FAM83E: variants seen among roughly 807,000 people sequenced by gnomAD.
FAM83E encodes the protein scaffolding CK1 anchoring protein E, also known as protein FAM83E.
In FAM83E, 29 loss-of-function variants were observed where a neutral mutation model predicts 34.3. The observed-to-expected ratio is 0.85, with a 90% CI of 0.63 to 1.15. The LOEUF (loss-of-function observed/expected upper bound fraction) is 1.15. Ranked by LOEUF, FAM83E falls within the 50% of genes most tolerant of loss-of-function variation. The pLI is 0.00. For missense variants in FAM83E, 697 were observed against 685.0 expected, an observed-to-expected ratio of 1.02 and a Z score of -0.20; for synonymous variants, 312 against 311.6, an observed-to-expected ratio of 1.00 and a Z score of -0.01.
intron 5 of FAM83E, among the ~76,000 whole-genome samples, chr19:48,605,676 A>T (rs1973914385): frequency 6.6e-6 from 1 of 150,858 alleles, no homozygotes; most frequent in Non-Finnish European, 1.5e-5. Context: ...CAAGCCTCCC[A>T]AGTAGCTGGG....
In FAM83E at chr19:48,603,703, C is replaced by G; in HGVS notation, c.967G>C (p.Ala323Pro). The change falls in exon 6 of 7, where the codon GCG becomes CCG. Residue 323 changes from alanine (A) to proline (P), a missense_variant. Coordinates refer to ENST00000263266, the MANE Select transcript of FAM83E (RefSeq NM_017708.4). ...GGGCCGTCAGGCGGCGGAGGCGACG[C>G]GGGGGCCACGGAGCGGCGGCGGGAC... ...RVSRRRSVAP[A>P]SPPPPDGPLA... 1 of 1,377,068 alleles carries G rather than the reference C, an allele frequency of 7.3e-7. No individual in the cohort carries two copies. Among genetic ancestry groups the G allele is most frequent in the Non-Finnish European group, 9.4e-7 (1 of 1,064,208 alleles). 85.3% of individuals were successfully genotyped at this position (1,377,068 alleles called of 1,614,324 possible).
intron 5 of FAM83E, chr19:48,607,559 G>C: frequency 1.5e-6 from 1 of 652,636 alleles, no homozygotes; most frequent in South Asian, 2.1e-5. Context: ...CACGGCCCGT[G>C]GGTTTGATTG....
Position 48,603,803 on chromosome 19 carries a change from G to A in FAM83E, c.867C>T (p.Cys289=), listed in dbSNP as rs75363654. ...TCTGGGGGGGCGCAGGTGGGAGCGGGCAGGAGGCCGCGTACAGCGTCCGGA... is the reference window on the plus strand; with the variant it reads ...TCTGGGGGGGCGCAGGTGGGAGCGGACAGGAGGCCGCGTACAGCGTCCGGA... ...LEFRTLYAAS[C]PLPPAPPQKP... is the part of the protein sequence containing the mutation. The change falls in exon 6 of 7, where the codon TGC becomes TGT. Residue 289 remains cysteine, a synonymous_variant. Transcript: ENST00000263266. 8.6e-3 allele frequency: 13,828 copies of A among 1,600,752 alleles called. 758 individuals are homozygous for A. In the African/African-American group the frequency reaches 0.13, roughly 15 times the overall value.
At position 48,612,809 on chromosome 19, in the gene FAM83E, T is replaced by A. The variant is rs1159427054; in HGVS notation, c.465+99A>T. 4 of 1,348,836 alleles carry A rather than the reference T, an allele frequency of 3.0e-6. No individual in the cohort carries two copies. In the African/African-American group the frequency reaches 5.9e-5, roughly 20 times the overall value. The allele number at this position is 1,348,836 out of a possible 1,614,324, so 83.6% of individuals were successfully genotyped here. A position where few individuals can be genotyped will look rare whatever the true frequency, so the allele number is the denominator to read the frequency against. On this transcript the variant is annotated intron_variant, in intron 3 of 6. Transcript: ENST00000263266. ...TCCCAGGGGTATAGGTCCTTTAGGG[T>A]AGGGGTGTGCGCTTGCAAGTCCCAG...
rs549085152 is a variant in FAM83E at position 48,601,122 on chromosome 19, C to T, written c.1424G>A (p.Gly475Glu). The change falls in exon 7 of 7, where the codon GGG becomes GAG. Residue 475 changes from glycine (G) to glutamate (E), a missense_variant. Gly to Glu is a moderately conservative substitution (Grantham distance 98). Transcript: ENST00000263266. ...PSDWAPRAGL[G>E]GQP ...TTGGGCTCCTGTTCAGGGTTGCCCC[C>T]CAAGTCCTGCCCGGGGGGCCCAGTC... 2.9e-5 allele frequency: 46 copies of T among 1,611,820 alleles called. No homozygotes were observed. The African/African-American group carries it at 3.9e-4, about 14-fold the overall frequency.
At chr19:48,605,161 C>T (rs1433542656) in intron 5 of FAM83E, among the ~76,000 whole-genome samples, 2 of 151,998 alleles carry the variant, frequency 1.3e-5, no homozygotes, top group East Asian at 1.9e-4. Context: ...CGGACACTAA[C>T]AGGGATTGTT....
rs559144961 is a variant in FAM83E, at chr19:48,609,235, G to A, written c.758+641C>T. On this transcript the variant is annotated intron_variant, in intron 5 of 6. Transcript: ENST00000263266. Reference sequence around the variant, plus strand: ...GCTGTGCTGTGACCCTGTGAGGTAGGTGCTGTTATTATTTGCAGTTTCTTT... The same window carrying A: ...GCTGTGCTGTGACCCTGTGAGGTAGATGCTGTTATTATTTGCAGTTTCTTT... Among the ~76,000 whole-genome samples the A allele has an allele frequency of 2.0e-5, 3 of 149,920 alleles. No individual in the cohort carries two copies. The East Asian group carries it at 5.9e-4, about 29-fold the overall frequency.
chr19:48,605,019 CAAAAAAAAAA>C (rs72014229), intron 5 of FAM83E, among the ~76,000 whole-genome samples: 21,785 of 76,032 alleles, frequency 0.29, 1,832 homozygotes, highest in East Asian at 0.47. Context: ...GACTCTGACT[CAAAAAAAAAA>C]AAAAAAAAAA....
intron 3 of FAM83E, among the ~76,000 whole-genome samples, 177 bp from the exon 4 acceptor site, chr19:48,611,024 C>T (rs953234902): frequency 2.6e-5 from 4 of 152,184 alleles, no homozygotes; most frequent in South Asian, 2.1e-4. Flanking sequence ...GCTCAAACAG[C>T]ACCTACGTGT....
chr19:48,606,072 A>G (rs1183916960), intron 5 of FAM83E, among the ~76,000 whole-genome samples: 3 of 151,572 alleles, frequency 2.0e-5, no homozygotes, highest in African/African-American at 7.3e-5. Flanking sequence ...GCACTTTGGG[A>G]GGTCGAGGCG....
intron 5 of FAM83E, among the ~76,000 whole-genome samples, chr19:48,608,684 G>A (rs1973981545): frequency 6.6e-6 from 1 of 151,822 alleles, no homozygotes; most frequent in South Asian, 2.1e-4. Flanking sequence ...GACCTCGGGT[G>A]ATCCACCTGC....
rs753480035 is a variant in FAM83E, at chr19:48,603,814, C to T, written c.856G>A (p.Ala286Thr). The change falls in exon 6 of 7, where the codon GCG (alanine) becomes ACG (threonine). Residue 286 changes from alanine (A) to threonine (T), a missense_variant. Physicochemically the swap from Ala to Thr is moderately conservative, Grantham distance 58. Coordinates refer to ENST00000263266, the MANE Select transcript of FAM83E (RefSeq NM_017708.4). ...GCAGGTGGGAGCGGGCAGGAGGCCG[C>T]GTACAGCGTCCGGAACTCAAGGCTG... Reference protein sequence around the residue: ...AFSLEFRTLYAASCPLPPAPP... With the variant: ...AFSLEFRTLYTASCPLPPAPP... The T allele has an allele frequency of 9.3e-6, 15 of 1,604,606 alleles. No individual in the cohort carries two copies. The East Asian group carries it at 2.3e-4, about 24-fold the overall frequency.
intron 3 of FAM83E, among the ~76,000 whole-genome samples, chr19:48,611,864 G>T (rs1337333149): frequency 6.6e-6 from 1 of 152,198 alleles, no homozygotes; most frequent in Non-Finnish European, 1.5e-5. Flanking sequence ...ATCAGTGGTG[G>T]ATGTCCCGTA....
In FAM83E at chr19:48,612,917, A is replaced by T. The variant is rs1568422151; in HGVS notation, c.456T>A (p.Ala152=). Residue 152 remains alanine, a synonymous_variant, in exon 3 of 7, where the codon GCT becomes GCA. Coordinates refer to ENST00000263266, the MANE Select transcript of FAM83E (RefSeq NM_017708.4). ...LKELVRLEIQ[A]AHKLVAVVMD... Reference sequence around the variant, plus strand: ...CCCCCGCGACACCCACCTTGTGGGCAGCCTGGATCTCCAGCCGCACCAGCT... The same window carrying T: ...CCCCCGCGACACCCACCTTGTGGGCTGCCTGGATCTCCAGCCGCACCAGCT... The T allele has an allele frequency of 6.5e-7, 1 of 1,546,080 alleles. No homozygotes were observed.
chr19:48,600,425 T>C lies in FAM83E; in HGVS notation c.*684A>G, dbSNP rs1177741789. On this transcript the variant is annotated 3_prime_UTR_variant, in exon 7 of 7. Transcript: ENST00000263266. The stretch of plus-strand genomic sequence containing the variant: ...ATCTCAGCTCACTGCAACCTCCGCC[T>C]CCCGGGTTCAAGCAATTCTCCCGTC... 2.0e-5 allele frequency among the ~76,000 whole-genome samples: 3 copies of C among 152,128 alleles called. No individual in the cohort carries two copies. The highest frequency in any genetic ancestry group is 7.2e-5 in the African/African-American group (3 of 41,426).
intron 5 of FAM83E, chr19:48,606,750 C>T: frequency 1.7e-6 from 1 of 581,012 alleles, no homozygotes; most frequent in African/African-American, 1.9e-5. Context: ...TCATTCCATT[C>T]ACAGACTCTT....
rs1973846597 is a variant in FAM83E, at chr19:48,602,707, ATATATATATATATATATATATATAT to A, written c.1176+762_1176+786del. On this transcript the variant is annotated intron_variant, in intron 6 of 6. Coordinates refer to ENST00000263266, the MANE Select transcript of FAM83E (RefSeq NM_017708.4). Reference sequence around the variant, plus strand: ...ATCTCAAAAAAAAAAAAAAAAAAATATATATATATATATATATATATATATATATATATATATATATATATAGCTT... The same window carrying A: ...ATCTCAAAAAAAAAAAAAAAAAAATAATATATATATATATATATATAGCTT... 1.7e-4 allele frequency among the ~76,000 whole-genome samples: 5 copies of A among 29,168 alleles called. 1 individual carries two copies. The highest frequency in any genetic ancestry group is 2.0e-3 in the East Asian group (1 of 512). The allele number at this position is 29,168 out of a possible 152,430, so 19.1% of individuals were successfully genotyped here. A position where few individuals can be genotyped will look rare whatever the true frequency, so the allele number is the denominator to read the frequency against.
At chr19:48,611,549 C>T (rs990186039) in intron 3 of FAM83E, among the ~76,000 whole-genome samples, 4 of 151,166 alleles carry the variant, frequency 2.6e-5, no homozygotes, top group African/African-American at 9.7e-5. Context: ...CTCACTGCAA[C>T]TTCGGCCTCT....
Position 48,603,770 on chromosome 19 carries a change from C to G in FAM83E, c.900G>C (p.Ser300=). The G allele has an allele frequency of 2.5e-6, 4 of 1,586,898 alleles. No individual in the cohort carries two copies. Among genetic ancestry groups the G allele is most frequent in the Non-Finnish European group, 2.6e-6 (3 of 1,169,146 alleles). The change falls in exon 6 of 7, where the codon TCG becomes TCC. Residue 300 remains serine (S), a synonymous_variant. Transcript: ENST00000263266. ...PLPPAPPQKP[S]VIGGLQRGRS... ...GGCCCCGCTGCAGGCCACCTATGAC[C>G]GAGGGTTTCTGGGGGGGCGCAGGTG...
Sources: allele counts gnomAD v4.1 joint callset (sites outside exome capture counted in the v4.1 genomes callset), GRCh38; gene constraint gnomAD v4.1.1; transcripts MANE v1.5; gene names NCBI Gene and HGNC (gene_info 2026-07-23, HGNC 2026-07-21).